WNT7B: variants seen among roughly 807,000 people sequenced by gnomAD.
WNT7B encodes the protein Wnt family member 7B.
In WNT7B, 19 loss-of-function variants were observed where a neutral mutation model predicts 38.2. That is an observed-to-expected ratio of 0.50 (90% CI 0.35 to 0.73). WNT7B has a LOEUF of 0.73. WNT7B is among the 30% of genes least tolerant of loss of function. The pLI is 0.01. For missense variants in WNT7B, 423 were observed against 507.9 expected, an observed-to-expected ratio of 0.83 and a Z score of 1.61; for synonymous variants, 243 against 209.3, an observed-to-expected ratio of 1.16 and a Z score of -1.39.
intron 1 of WNT7B, among the ~76,000 whole-genome samples, chr22:45,963,846 C>T (rs1192581906): frequency 3.3e-5 from 5 of 152,176 alleles, no homozygotes; most frequent in Admixed American, 3.3e-4. Flanking sequence ...GCAGGGGACT[C>T]CCGCAACAGA....
chr22:45,938,614 G>A (rs757928108), intron 2 of WNT7B, among the ~76,000 whole-genome samples: 2 of 151,980 alleles, frequency 1.3e-5, no homozygotes, highest in African/African-American at 4.8e-5. Flanking sequence ...CTCCGGCCTG[G>A]GCAACAAAGC....
At chr22:45,969,400 G>A (rs1006353335) in intron 1 of WNT7B, among the ~76,000 whole-genome samples, 5 of 152,220 alleles carry the variant, frequency 3.3e-5, no homozygotes, top group African/African-American at 9.6e-5. Flanking sequence ...GCGCAGCCTG[G>A]TCCTGGTCAA....
chr22:45,944,924 G>T (rs1243782779), intron 2 of WNT7B, among the ~76,000 whole-genome samples: 1 of 152,180 alleles, frequency 6.6e-6, no homozygotes, highest in Non-Finnish European at 1.5e-5. Context: ...TCAGATCCAG[G>T]TTCAATTGTC....
At chr22:45,933,939 G>A (rs1268431987) in intron 2 of WNT7B, among the ~76,000 whole-genome samples, 2 of 152,222 alleles carry the variant, frequency 1.3e-5, no homozygotes, top group East Asian at 1.9e-4. Flanking sequence ...AGGGCTGGAT[G>A]TCAGGGCACT....
chr22:45,935,758 C>A (rs1044847406), intron 2 of WNT7B: 25 of 949,446 alleles, frequency 2.6e-5, no homozygotes, highest in Non-Finnish European at 2.9e-5. Flanking sequence ...TCTGATCAGA[C>A]CCATTTCACA....
chr22:45,970,857 C>A (rs1166055127), intron 1 of WNT7B, among the ~76,000 whole-genome samples: 3 of 152,358 alleles, frequency 2.0e-5, no homozygotes, highest in African/African-American at 7.2e-5. Context: ...CGGTCCCCAC[C>A]CGCATGCGCC....
chr22:45,970,245 C>T (rs947546824), intron 1 of WNT7B, among the ~76,000 whole-genome samples: 2 of 152,168 alleles, frequency 1.3e-5, no homozygotes, highest in African/African-American at 2.4e-5. Flanking sequence ...CTTCCTGTCC[C>T]CGACGACCCA....
chr22:45,936,895 G>A (rs934624645), intron 2 of WNT7B, among the ~76,000 whole-genome samples: 1 of 152,214 alleles, frequency 6.6e-6, no homozygotes, highest in Admixed American at 6.5e-5. Flanking sequence ...CAAAGCTGGG[G>A]GCTGAGTCCA....
intron 1 of WNT7B, among the ~76,000 whole-genome samples, chr22:45,958,172 G>A (rs934485957): frequency 7.2e-5 from 11 of 152,220 alleles, no homozygotes; most frequent in Admixed American, 2.6e-4. Flanking sequence ...GTGATGCGGA[G>A]GCCAGGAAGG....
At chr22:45,972,116 G>GCCCCCCCCCCCCCCCCCCCCCC in intron 1 of WNT7B, 1 of 530,746 alleles carries the variant, frequency 1.9e-6, no homozygotes, top group African/African-American at 2.1e-5. Context: ...CCCGGGGGGA[G>GCCCCCCCCCCCCCCCCCCCCCC]CCCACCCGCC....
chr22:45,931,847 G>C (rs1425749532), intron 2 of WNT7B, among the ~76,000 whole-genome samples: 1 of 152,112 alleles, frequency 6.6e-6, no homozygotes. Flanking sequence ...TGGGGACCAG[G>C]CATGCATGGC....
chr22:45,929,183 A>T (rs1171548998), intron 3 of WNT7B, among the ~76,000 whole-genome samples: 1 of 152,130 alleles, frequency 6.6e-6, no homozygotes, highest in East Asian at 1.9e-4. Context: ...CTCCTCCTCC[A>T]GGGAGTCCTC....
chr22:45,953,681 A>G (rs1278714825), intron 1 of WNT7B, among the ~76,000 whole-genome samples: 1 of 151,900 alleles, frequency 6.6e-6, no homozygotes, highest in Non-Finnish European at 1.5e-5. Flanking sequence ...AACCAAAACC[A>G]AAATGAGATG....
intron 3 of WNT7B, chr22:45,926,524 C>G (rs749069414): frequency 1.0e-6 from 1 of 985,310 alleles, no homozygotes; most frequent in Non-Finnish European, 1.2e-6. Flanking sequence ...GGTTGGTGGA[C>G]TAAAGTCCTT....
chr22:45,976,254 G>C lies in WNT7B; in HGVS notation c.71+430C>G, dbSNP rs1259746025. On this transcript the variant is annotated intron_variant, in intron 1 of 3. Transcript: ENST00000339464. This position sits in a 1 kb window ranked among gnomAD's most constrained non-coding sequence, Gnocchi z 8.5. ...CCGGGTGCGCGCCCCCCGCCCTCCC[G>C]GGCCTCCGCAGGCGCCGGACGCCCC... 6.8e-6 allele frequency among the ~76,000 whole-genome samples: 1 copy of C among 146,390 alleles called. No homozygotes were observed. The highest frequency in any genetic ancestry group is 2.5e-5 in the African/African-American group (1 of 40,780).
intron 3 of WNT7B, chr22:45,927,719 A>C (rs1263671466): frequency 1.2e-5 from 8 of 670,512 alleles, no homozygotes; most frequent in African/African-American, 9.1e-5. Context: ...AACATGGTGA[A>C]GCCCCATCTC....
At chr22:45,941,939 T>A (rs1302119103) in intron 2 of WNT7B, among the ~76,000 whole-genome samples, 1 of 151,810 alleles carries the variant, frequency 6.6e-6, no homozygotes, top group African/African-American at 2.4e-5. Flanking sequence ...GGGGCTGAGG[T>A]AGGGTAGGGA....
intron 2 of WNT7B, chr22:45,936,193 C>T (rs908364024): frequency 4.1e-6 from 4 of 984,282 alleles, no homozygotes; most frequent in African/African-American, 1.7e-5. Context: ...GGTGCCTCGG[C>T]AAGTTACCAG....
intron 3 of WNT7B, among the ~76,000 whole-genome samples, chr22:45,930,469 C>G (rs1931306690): frequency 6.6e-6 from 1 of 152,232 alleles, no homozygotes; most frequent in South Asian, 2.1e-4. Flanking sequence ...AGCTGCTCCT[C>G]CCAGCCCAGT....
Sources: allele counts gnomAD v4.1 joint callset (sites outside exome capture counted in the v4.1 genomes callset), GRCh38; gene constraint gnomAD v4.1.1; non-coding constraint Gnocchi (gnomAD v3.1); transcripts MANE v1.5; gene names NCBI Gene and HGNC (gene_info 2026-07-23, HGNC 2026-07-21).